Variants in NOS1 observed in about 807,000 individuals in gnomAD.
NOS1 encodes the protein NOS type I.
In NOS1, 51 loss-of-function variants were observed where a neutral mutation model predicts 164.5. The ratio of observed to expected loss-of-function variants is 0.31; its 90% confidence interval spans 0.25 to 0.39. The LOEUF (loss-of-function observed/expected upper bound fraction) is 0.39. Among genes scored for constraint, NOS1 ranks in the 10% least tolerant of loss-of-function variants. The pLI is 1.00. For missense variants in NOS1, 1,362 were observed against 1,885.6 expected (o/e 0.72, Z 5.14); for synonymous variants, 719 against 745.8 (o/e 0.96, Z 0.59).
At chr12:117,249,553 C>T (rs566569013) in intron 17 of NOS1, among the ~76,000 whole-genome samples, 1 of 151,998 alleles carries the variant, frequency 6.6e-6, no homozygotes. Flanking sequence ...AATGAAAAGA[C>T]CAGAAGAAAT....
chr12:117,353,033 T>TATCCATCC (rs149359263), intron 1 of NOS1, among the ~76,000 whole-genome samples: 1 of 151,930 alleles, frequency 6.6e-6, no homozygotes, highest in African/African-American at 2.4e-5. Context: ...TCCATCCATC[T>TATCCATCC]ATCCATCCAT....
Position 117,234,905 on chromosome 12 carries a change from T to C in NOS1, c.3042-147A>G, listed in dbSNP as rs967984493. On this transcript the variant is annotated intron_variant, in intron 20 of 28. Coordinates refer to ENST00000317775, the MANE Select transcript of NOS1 (RefSeq NM_000620.5). The surrounding 1 kb of genome is among the most constrained non-coding windows in gnomAD (Gnocchi z 4.3). ...CTAACCAAGCCTATGCCCCCATCAT[T>C]CTATTATTATTATTATTATTATTAT... The C allele has an allele frequency of 2.1e-6, 1 of 478,864 alleles. No homozygotes were observed. Among genetic ancestry groups the C allele is most frequent in the Non-Finnish European group, 3.4e-6 (1 of 290,286 alleles). 29.7% of individuals were successfully genotyped at this position (478,864 alleles called of 1,614,324 possible). A position where few individuals can be genotyped will look rare whatever the true frequency, so the allele number is the denominator to read the frequency against.
Position 117,234,696 on chromosome 12 carries a change from C to T in NOS1, c.3104G>A (p.Gly1035Glu), listed in dbSNP as rs772967143. The change falls in exon 21 of 29, where the codon GGG (glycine) becomes GAG (glutamate). Residue 1035 changes from glycine to glutamate, a missense_variant. By Grantham distance (98) the Gly-to-Glu change is moderately conservative. Coordinates refer to ENST00000317775, the MANE Select transcript of NOS1 (RefSeq NM_000620.5). The surrounding 1 kb of genome is among the most constrained non-coding windows in gnomAD (Gnocchi z 4.3). ...GCCAGGGAAGACACCCAGGTGGTCCCCAGGCTGGTACTGCAGCTCCTGGCT... is the reference window on the plus strand; with the variant it reads ...GCCAGGGAAGACACCCAGGTGGTCCTCAGGCTGGTACTGCAGCTCCTGGCT... ...NGSQELQYQP[G>E]DHLGVFPGNH... 1 of 1,614,158 alleles carries T rather than the reference C, an allele frequency of 6.2e-7. No homozygotes were observed. Among genetic ancestry groups the T allele is most frequent in the Non-Finnish European group, 8.5e-7 (1 of 1,180,010 alleles).
At position 117,210,774 on chromosome 12, in the gene NOS1, C is replaced by A; in HGVS notation, c.*4535G>T. 4 of 985,370 alleles carry A rather than the reference C, an allele frequency of 4.1e-6. No homozygotes were observed. In the South Asian group the frequency reaches 1.4e-4, roughly 35 times the overall value. 61.0% of individuals were successfully genotyped at this position (985,370 alleles called of 1,614,324 possible). A position where few individuals can be genotyped will look rare whatever the true frequency, so the allele number is the denominator to read the frequency against. On this transcript the variant is annotated 3_prime_UTR_variant, in exon 29 of 29. Coordinates refer to ENST00000317775, the MANE Select transcript of NOS1 (RefSeq NM_000620.5). ...AAGATTCTGTGTTCTTAGCCAATGT[C>A]TACTGGCTGGGGGTCAGTTTTCCCT...
chr12:117,237,161 T>G (rs919082567), intron 20 of NOS1, among the ~76,000 whole-genome samples: 2 of 152,134 alleles, frequency 1.3e-5, no homozygotes, highest in African/African-American at 4.8e-5. Context: ...TTCATTATTA[T>G]TTTTATTTTT....
At chr12:117,259,858 G>T (rs113796648) in intron 14 of NOS1, among the ~76,000 whole-genome samples, 1 of 151,758 alleles carries the variant, frequency 6.6e-6, no homozygotes, top group African/African-American at 2.4e-5. Flanking sequence ...GGTGGCTCAC[G>T]CCTGTAATCC....
intron 2 of NOS1, among the ~76,000 whole-genome samples, chr12:117,324,246 C>G (rs1252772500): frequency 6.6e-6 from 1 of 152,156 alleles, no homozygotes; most frequent in Non-Finnish European, 1.5e-5. Context: ...AATTCAGACA[C>G]TCTCGGAAGA....
chr12:117,260,363 C>T, intron 14 of NOS1, 102 bp downstream of exon 14: 3 of 1,356,934 alleles, frequency 2.2e-6, no homozygotes, highest in Admixed American at 4.0e-5. Flanking sequence ...GGTGTGCTTT[C>T]ATCCTTTGCC....
At chr12:117,218,272 T>C (rs961881173) in intron 27 of NOS1, 108 bp from the exon 28 acceptor site, 5 of 824,422 alleles carry the variant, frequency 6.1e-6, no homozygotes, top group African/African-American at 1.7e-5. Context: ...AGGAAGATGG[T>C]TCCCAAAGAG....
chr12:117,208,398 G>GTGTGTGTGTGTGTGTGTGTT lies in NOS1; in HGVS notation c.*6910_*6911insAACACACACACACACACACA. 1 of 1,249,668 alleles carries GTGTGTGTGTGTGTGTGTGTT rather than the reference G, an allele frequency of 8.0e-7. No homozygotes were observed. Among genetic ancestry groups the GTGTGTGTGTGTGTGTGTGTT allele is most frequent in the Non-Finnish European group, 1.0e-6 (1 of 955,346 alleles). 77.4% of individuals were successfully genotyped at this position (1,249,668 alleles called of 1,614,324 possible). ...CGGCCGAGTTTCTGACAGCGTGTGTGTGTGTGTGTGTGTGTGTGTGTGTGG... is the reference window on the plus strand; with the variant it reads ...CGGCCGAGTTTCTGACAGCGTGTGTGTGTGTGTGTGTGTGTGTGTTTGTGTGTGTGTGTGTGTGTGTGTGG... On this transcript the variant is annotated 3_prime_UTR_variant, in exon 29 of 29. Transcript: ENST00000317775.
chr12:117,337,785 T>C (rs1292265482), intron 1 of NOS1, among the ~76,000 whole-genome samples: 1 of 152,058 alleles, frequency 6.6e-6, no homozygotes, highest in Non-Finnish European at 1.5e-5. Flanking sequence ...TCCAAAATCT[T>C]GCTTCCAAGT....
At chr12:117,219,160 G>A (rs1476383242) in intron 27 of NOS1, among the ~76,000 whole-genome samples, 4 of 151,912 alleles carry the variant, frequency 2.6e-5, no homozygotes, top group Non-Finnish European at 5.9e-5. Context: ...TGTATTTTTA[G>A]TAGAGACGGG....
At chr12:117,354,195 G>A (rs898585629) in intron 1 of NOS1, among the ~76,000 whole-genome samples, 11 of 150,868 alleles carry the variant, frequency 7.3e-5, no homozygotes, top group Non-Finnish European at 1.5e-4. Flanking sequence ...ACACCTTGCC[G>A]GCAGCTGGAA....
At chr12:117,271,177 G>A (rs189167810) in intron 10 of NOS1, among the ~76,000 whole-genome samples, 155 of 152,138 alleles carry the variant, frequency 1.0e-3, no homozygotes, top group Middle Eastern at 6.8e-3. Context: ...TCAGAACCCC[G>A]ATGAATGGGA....
At chr12:117,258,355 C>T in intron 16 of NOS1, 42 bp downstream of exon 16, 5 of 1,606,282 alleles carry the variant, frequency 3.1e-6, no homozygotes, top group Non-Finnish European at 4.3e-6. Context: ...GTCCAGTTAC[C>T]CTCGGGGGTG....
At chr12:117,220,986 C>T (rs1956694305) in intron 26 of NOS1, among the ~76,000 whole-genome samples, 1 of 152,062 alleles carries the variant, frequency 6.6e-6, no homozygotes, top group Admixed American at 6.6e-5. Context: ...ACTGCCCGGA[C>T]TCTCTGAGTG....
chr12:117,323,207 G>C (rs1410467764), intron 2 of NOS1, among the ~76,000 whole-genome samples: 2 of 152,200 alleles, frequency 1.3e-5, no homozygotes, highest in African/African-American at 2.4e-5. Flanking sequence ...CCATAAATGG[G>C]GGAGTCCCTC....
chr12:117,209,618 C>T lies in NOS1; in HGVS notation c.*5691G>A. 6.1e-6 allele frequency: 6 copies of T among 985,500 alleles called. No individual in the cohort carries two copies. The highest frequency in any genetic ancestry group is 7.2e-6 in the Non-Finnish European group (6 of 829,956). The allele number at this position is 985,500 out of a possible 1,614,324, so 61.0% of individuals were successfully genotyped here. A position where few individuals can be genotyped will look rare whatever the true frequency, so the allele number is the denominator to read the frequency against. ...TTTGGGTATTTTAGAACAAAACAAA[C>T]TCATATAAACATACTAAGGCATATT... is the stretch of plus-strand genomic sequence containing the variant. On this transcript the variant is annotated 3_prime_UTR_variant, in exon 29 of 29. Coordinates refer to ENST00000317775, the MANE Select transcript of NOS1 (RefSeq NM_000620.5).
intron 2 of NOS1, among the ~76,000 whole-genome samples, chr12:117,326,916 G>A (rs1004667812): frequency 6.6e-6 from 1 of 152,202 alleles, no homozygotes; most frequent in Non-Finnish European, 1.5e-5. Context: ...TGTCGGCTGG[G>A]GGAGAGGATC....
Sources: allele counts gnomAD v4.1 joint callset (sites outside exome capture counted in the v4.1 genomes callset), GRCh38; gene constraint gnomAD v4.1.1; non-coding constraint Gnocchi (gnomAD v3.1); transcripts MANE v1.5; gene names NCBI Gene and HGNC (gene_info 2026-07-23, HGNC 2026-07-21).